COL19A1: variants seen among roughly 807,000 people sequenced by gnomAD.
COL19A1 encodes the protein collagen alpha-1(XIX) chain.
COL19A1 carries 159 observed loss-of-function variants against 190.2 expected under a neutral mutation model. The observed-to-expected ratio is 0.84, with a 90% CI of 0.73 to 0.95. The LOEUF (loss-of-function observed/expected upper bound fraction) is 0.95, where lower values mean the gene tolerates loss of function less well. Among genes scored for constraint, COL19A1 ranks in the 40% least tolerant of loss-of-function variants. The pLI is 0.00. For missense variants in COL19A1, 1,418 were observed against 1,431.9 expected, an observed-to-expected ratio of 0.99 and a Z score of 0.16; for synonymous variants, 509 against 458.9, an observed-to-expected ratio of 1.11 and a Z score of -1.39.
At chr6:69,977,364 G>A (rs1394432564) in intron 11 of COL19A1, among the ~76,000 whole-genome samples, 1 of 130,438 alleles carries the variant, frequency 7.7e-6, no homozygotes, top group Non-Finnish European at 1.6e-5. Context: ...GTTGAACAAT[G>A]AGAACACATG....
chr6:70,186,080 A>G (rs1473765605), intron 46 of COL19A1, among the ~76,000 whole-genome samples: 1 of 152,100 alleles, frequency 6.6e-6, no homozygotes. Flanking sequence ...ACCTAACGAT[A>G]TATATTGATC....
chr6:69,876,550 A>G (rs1011246043), intron 1 of COL19A1, among the ~76,000 whole-genome samples: 6 of 152,220 alleles, frequency 3.9e-5, no homozygotes, highest in African/African-American at 1.4e-4. Context: ...ATACACATGC[A>G]TTAAATAATT....
chr6:69,979,965 C>T (rs182331120), intron 11 of COL19A1, among the ~76,000 whole-genome samples: 278 of 151,780 alleles, frequency 1.8e-3, no homozygotes, highest in Admixed American at 5.4e-3. Context: ...AAAATTATAA[C>T]CTTAAAAGTT....
intron 11 of COL19A1, among the ~76,000 whole-genome samples, chr6:69,966,918 C>T (rs556088570): frequency 6.6e-6 from 1 of 151,988 alleles, no homozygotes; most frequent in African/African-American, 2.4e-5. Flanking sequence ...TGAAAAGAAA[C>T]AGCAAATAGA....
intron 2 of COL19A1, among the ~76,000 whole-genome samples, chr6:69,880,522 C>T (rs1299594164): frequency 6.6e-6 from 1 of 152,090 alleles, no homozygotes; most frequent in Non-Finnish European, 1.5e-5. Context: ...ATAATTTTTG[C>T]TAAACAAGTA....
chr6:70,148,976 A>G, intron 27 of COL19A1, among the ~76,000 whole-genome samples: 1 of 151,932 alleles, frequency 6.6e-6, no homozygotes. Context: ...GTGGTTGAGG[A>G]AAAAATCACT....
rs200717532 is a variant in COL19A1, at chr6:69,938,044, G to A, written c.880G>A (p.Ala294Thr). ...GATATGCATTTTTGCTCAGGGAGAA[G>A]CAGGATTACCAGGAGCTCCGGGTTC... Reference protein sequence around the residue: ...QCQCIPNKGEAGLPGAPGSPG... With the variant: ...QCQCIPNKGETGLPGAPGSPG... Residue 294 changes from alanine (A) to threonine (T), a missense_variant, in exon 9 of 51, where the codon GCA becomes ACA. Coordinates refer to ENST00000620364, the MANE Select transcript of COL19A1 (RefSeq NM_001858.6). 48 of 1,612,478 alleles carry A rather than the reference G, an allele frequency of 3.0e-5. No homozygotes were observed. Among genetic ancestry groups the A allele is most frequent in the Non-Finnish European group, 3.6e-5 (43 of 1,179,078 alleles).
intron 2 of COL19A1, among the ~76,000 whole-genome samples, chr6:69,885,889 A>T: frequency 6.6e-6 from 1 of 152,200 alleles, no homozygotes; most frequent in East Asian, 1.9e-4. Context: ...CCCAGAAGCG[A>T]TCATGGGGGA....
intron 4 of COL19A1, among the ~76,000 whole-genome samples, chr6:69,921,065 T>G (rs1771711426): frequency 2.2e-5 from 2 of 92,116 alleles, no homozygotes; most frequent in South Asian, 6.8e-4. Flanking sequence ...TCATATATAT[T>G]CATAGACATA....
At chr6:69,938,706 G>A (rs3805961) in intron 9 of COL19A1, among the ~76,000 whole-genome samples, 11,692 of 152,036 alleles carry the variant, frequency 0.077, 566 homozygotes, top group East Asian at 0.2. Context: ...GGGGAGCTAG[G>A]GAGGATTTAA....
chr6:69,981,971 T>C (rs1181369987), intron 11 of COL19A1, among the ~76,000 whole-genome samples: 3 of 152,128 alleles, frequency 2.0e-5, no homozygotes, highest in Admixed American at 2.0e-4. Flanking sequence ...GCAAAGTAGC[T>C]GCTACAATAA....
intron 15 of COL19A1, 139 bp downstream of exon 15, chr6:70,068,615 G>A (rs1781384354): frequency 1.8e-6 from 1 of 546,110 alleles, no homozygotes; most frequent in Admixed American, 3.6e-5. Flanking sequence ...TGAAATTTGA[G>A]ATTCGAGATT....
intron 11 of COL19A1, among the ~76,000 whole-genome samples, chr6:70,002,260 G>A (rs377198995): frequency 2.2e-4 from 33 of 152,234 alleles, no homozygotes; most frequent in African/African-American, 5.8e-4. Flanking sequence ...TGCTGGATTC[G>A]GTTTGCCAGT....
intron 4 of COL19A1, among the ~76,000 whole-genome samples, chr6:69,919,562 G>GACCAGAAAAAAAATTTTC (rs1771558454): frequency 6.6e-6 from 1 of 151,438 alleles, no homozygotes; most frequent in Non-Finnish European, 1.5e-5. Flanking sequence ...AGTAAATTTT[G>GACCAGAAAAAAAATTTTC]ACCAGAAAAA....
intron 11 of COL19A1, among the ~76,000 whole-genome samples, chr6:69,988,489 GATAA>G (rs1776428373): frequency 1.3e-5 from 2 of 152,278 alleles, no homozygotes; most frequent in African/African-American, 4.8e-5. Flanking sequence ...CGTTGCTACT[GATAA>G]ATAAATGCTA....
In COL19A1 at chr6:70,168,050, G is replaced by T. The variant is rs1280359523; in HGVS notation, c.2471G>T (p.Gly824Val). 3 of 1,596,938 alleles carry T rather than the reference G, an allele frequency of 1.9e-6. No homozygotes were observed. Among genetic ancestry groups the T allele is most frequent in the South Asian group, 2.3e-5 (2 of 88,562 alleles). Residue 824 changes from glycine to valine, a missense_variant, in exon 38 of 51, where the codon GGC becomes GTC. Gly to Val is a moderately radical substitution (Grantham distance 109). Coordinates refer to ENST00000620364, the MANE Select transcript of COL19A1 (RefSeq NM_001858.6). Reference sequence around the variant, plus strand: ...GGTATTCCATTTAATGAACGAAACGGCATGAGCAGTTTATATAAAATTAAG... The same window carrying T: ...GGTATTCCATTTAATGAACGAAACGTCATGAGCAGTTTATATAAAATTAAG... ...PPGIPFNERN[G>V]MSSLYKIKGG...
chr6:70,189,803 G>A (rs1050003486), intron 47 of COL19A1, among the ~76,000 whole-genome samples: 1 of 152,054 alleles, frequency 6.6e-6, no homozygotes, highest in South Asian at 2.1e-4. Flanking sequence ...TGATGAAATG[G>A]GTAAAACTTG....
At chr6:70,026,982 G>A (rs556481744) in intron 12 of COL19A1, among the ~76,000 whole-genome samples, 7 of 152,176 alleles carry the variant, frequency 4.6e-5, no homozygotes, top group East Asian at 1.9e-4. Context: ...GTAATTCAGC[G>A]TTTATGACAG....
chr6:70,126,203 A>G (rs1457785620), intron 17 of COL19A1, among the ~76,000 whole-genome samples: 1 of 152,082 alleles, frequency 6.6e-6, no homozygotes, highest in Non-Finnish European at 1.5e-5. Context: ...TTCTTTTCAC[A>G]TATTAAATCA....
Sources: gnomAD v4.1 joint callset for allele counts (sites outside exome capture counted in the v4.1 genomes callset) on GRCh38, gnomAD v4.1.1 for gene constraint, MANE v1.5 for transcripts, NCBI Gene and HGNC (gene_info 2026-07-23, HGNC 2026-07-21) for gene names.